Variants in SEMA3A observed in about 807,000 individuals in gnomAD.
SEMA3A encodes the protein semaphorin 3A, also known as semaphorin-3A.
In SEMA3A, 29 loss-of-function variants were observed where a neutral mutation model predicts 97.9. That is an observed-to-expected ratio of 0.30 (90% CI 0.22 to 0.40). The LOEUF is 0.40. Among genes scored for constraint, SEMA3A ranks in the 10% least tolerant of loss-of-function variants. SEMA3A has a pLI of 1.00. For missense variants in SEMA3A, 763 were observed against 951.3 expected (o/e 0.80, Z 2.60); for synonymous variants, 321 against 323.7 (o/e 0.99, Z 0.09).
chr7:84,232,135 C>T (rs1799129713), intron 3 of SEMA3A, among the ~76,000 whole-genome samples: 2 of 151,228 alleles, frequency 1.3e-5, no homozygotes, highest in African/African-American at 4.8e-5. Context: ...AAAGCCAGTA[C>T]AGCCTTATTA....
intron 1 of SEMA3A, among the ~76,000 whole-genome samples, chr7:84,454,556 C>T (rs867920481): frequency 7.9e-5 from 12 of 152,094 alleles, no homozygotes; most frequent in Middle Eastern, 3.4e-3. Context: ...ACAACAATAG[C>T]ATGAATGTGG....
At chr7:83,969,745 A>T (rs1788845971) in intron 15 of SEMA3A, among the ~76,000 whole-genome samples, 1 of 152,216 alleles carries the variant, frequency 6.6e-6, no homozygotes, top group South Asian at 2.1e-4. Context: ...ATAAAAATTG[A>T]CTTGAGAGAG....
At chr7:84,182,379 A>C (rs1797760116) in intron 1 of SEMA3A, among the ~76,000 whole-genome samples, 1 of 152,136 alleles carries the variant, frequency 6.6e-6, no homozygotes, top group Admixed American at 6.6e-5. Context: ...GCCATTTTAG[A>C]GGATATGTTG....
chr7:84,080,417 C>T (rs1030474322), intron 4 of SEMA3A, among the ~76,000 whole-genome samples: 1 of 151,914 alleles, frequency 6.6e-6, no homozygotes. Context: ...CTTAAAATTA[C>T]CATTCATATT....
intron 5 of SEMA3A, among the ~76,000 whole-genome samples, chr7:84,056,675 GA>G (rs1181260888): frequency 1.3e-5 from 2 of 151,832 alleles, no homozygotes; most frequent in African/African-American, 4.8e-5. Flanking sequence ...ATGGATGTAA[GA>G]AAAATTTTAC....
chr7:84,143,981 ACACACACACACAC>A (rs1796391532), intron 1 of SEMA3A, among the ~76,000 whole-genome samples: 1 of 149,876 alleles, frequency 6.7e-6, no homozygotes, highest in African/African-American at 2.5e-5. Flanking sequence ...ACACACACAC[ACACACACACACAC>A]AATTTATTGT....
intron 6 of SEMA3A, among the ~76,000 whole-genome samples, chr7:84,028,017 G>A (rs184884889): frequency 3.9e-5 from 6 of 152,234 alleles, no homozygotes; most frequent in Admixed American, 3.9e-4. Flanking sequence ...AAATTGAAGT[G>A]GAAGACATAT....
Position 84,305,151 on chromosome 7 carries a change from C to T in SEMA3A, c.-83+2056G>A, listed in dbSNP as rs113528206. Among the ~76,000 whole-genome samples the T allele has an allele frequency of 7.9e-5, 12 of 151,232 alleles. 1 individual carries two copies. Among genetic ancestry groups the T allele is most frequent in the African/African-American group, 1.7e-4 (7 of 41,246 alleles). On this transcript the variant is annotated intron_variant, in intron 3 of 3. Coordinates refer to the SEMA3A transcript ENST00000424555. ...GACAGAATTAGACAAGAAAAATATA[C>T]TGTCTACGCTTTTAAATAATTATTT...
chr7:84,338,162 C>T (rs761247252), intron 2 of SEMA3A, among the ~76,000 whole-genome samples: 9 of 150,084 alleles, frequency 6.0e-5, no homozygotes, highest in Non-Finnish European at 1.0e-4. Flanking sequence ...TGTGTATATA[C>T]ATGCATATAT....
intron 2 of SEMA3A, among the ~76,000 whole-genome samples, chr7:84,311,723 A>G (rs905598381): frequency 2.6e-5 from 4 of 151,980 alleles, no homozygotes; most frequent in Non-Finnish European, 5.9e-5. Flanking sequence ...ATTAAAAACT[A>G]AGAAATTTTA....
chr7:84,190,190 T>A (rs892681472), intron 1 of SEMA3A, among the ~76,000 whole-genome samples: 1 of 151,776 alleles, frequency 6.6e-6, no homozygotes, highest in African/African-American at 2.4e-5. Flanking sequence ...GGTTGTCAGC[T>A]TTAAGCAGAG....
intron 3 of SEMA3A, among the ~76,000 whole-genome samples, chr7:84,260,988 C>T (rs1034808535): frequency 2.0e-5 from 3 of 152,102 alleles, no homozygotes; most frequent in African/African-American, 7.2e-5. Flanking sequence ...TGTCCATGGA[C>T]TAATCAACAT....
At chr7:84,294,907 T>C (rs150610708) in intron 3 of SEMA3A, among the ~76,000 whole-genome samples, 112 of 152,170 alleles carry the variant, frequency 7.4e-4, no homozygotes, top group African/African-American at 2.6e-3. Context: ...ATTTCCTCCC[T>C]GGAGGTAACA....
chr7:84,065,365 A>C (rs1370484737), intron 4 of SEMA3A, among the ~76,000 whole-genome samples: 1 of 141,360 alleles, frequency 7.1e-6, no homozygotes, highest in East Asian at 2.0e-4. Context: ...AAGAACTAGA[A>C]AAGCAAGAGC....
At chr7:84,339,595 A>C (rs1802114324) in intron 2 of SEMA3A, among the ~76,000 whole-genome samples, 1 of 152,128 alleles carries the variant, frequency 6.6e-6, no homozygotes, top group Non-Finnish European at 1.5e-5. Context: ...ACTTTCCCCC[A>C]TCATTGTGGT....
At chr7:84,425,008 TA>T (rs1338401257) in intron 1 of SEMA3A, among the ~76,000 whole-genome samples, 42 of 103,634 alleles carry the variant, frequency 4.1e-4, no homozygotes, top group African/African-American at 1.6e-3. Context: ...TTTATTTATA[TA>T]TATTATTTAT....
At chr7:84,169,620 T>C (rs1011174288) in intron 1 of SEMA3A, among the ~76,000 whole-genome samples, 3 of 151,050 alleles carry the variant, frequency 2.0e-5, no homozygotes, top group African/African-American at 7.3e-5. Flanking sequence ...TGGAATAATT[T>C]TTCCAGAAGT....
Position 83,958,837 on chromosome 7 carries a change from T to TA in SEMA3A, c.*2533dup, listed in dbSNP as rs1269424804. On this transcript the variant is annotated 3_prime_UTR_variant, in exon 17 of 17. Coordinates refer to ENST00000265362, the MANE Select transcript of SEMA3A (RefSeq NM_006080.3). ...GCTGTGATGCATCTTTTTCATACTTTAAGACTGCTGTTGTAATTTTCGTAA... is the reference window on the plus strand; with the variant it reads ...GCTGTGATGCATCTTTTTCATACTTTAAAGACTGCTGTTGTAATTTTCGTAA... 1 of 152,472 alleles carries TA rather than the reference T, an allele frequency of 6.6e-6. No individual in the cohort carries two copies. The highest frequency in any genetic ancestry group is 2.4e-5 in the African/African-American group (1 of 41,452). The allele number at this position is 152,472 out of a possible 1,614,324, so 9.4% of individuals were successfully genotyped here.
intron 1 of SEMA3A, among the ~76,000 whole-genome samples, chr7:84,140,879 G>A (rs535527973): frequency 3.9e-5 from 6 of 152,186 alleles, no homozygotes; most frequent in Admixed American, 2.0e-4. Flanking sequence ...GAAAAAAGGG[G>A]GTGGGAGCCA....
Sources: gnomAD v4.1 joint callset for allele counts (sites outside exome capture counted in the v4.1 genomes callset) on GRCh38, gnomAD v4.1.1 for gene constraint, MANE v1.5 for transcripts, NCBI Gene and HGNC (gene_info 2026-07-23, HGNC 2026-07-21) for gene names.